MYO9B: variants seen among roughly 807,000 people sequenced by gnomAD.
The protein encoded by MYO9B is myosin IXB, also known as unconventional myosin-IXb.
A neutral mutation model predicts 229.5 loss-of-function variants in MYO9B; 71 were observed. The observed-to-expected ratio is 0.31, with a 90% confidence interval of 0.26 to 0.38. The LOEUF is 0.38. Ranked by LOEUF, MYO9B falls within the 10% of genes least tolerant of loss-of-function variation. The pLI, the probability that MYO9B is intolerant of heterozygous loss-of-function variation, is 1.00. For synonymous variants in MYO9B, 1,185 were observed against 1,235.8 expected (o/e 0.96, Z 0.86); for missense variants, 2,255 against 2,920.5 (o/e 0.77, Z 5.25).
Position 17,180,999 on chromosome 19 carries a change from C to T in MYO9B, c.2292C>T (p.Leu764=). 2 of 1,611,104 alleles carry T rather than the reference C, an allele frequency of 1.2e-6. No individual in the cohort carries two copies. Among genetic ancestry groups the T allele is most frequent in the Non-Finnish European group, 1.7e-6 (2 of 1,178,816 alleles). ...AGGGCGAGGACCCCCGTAGCCTTCT[C>T]CAGTCCCTCAGTCGGCTCCAGAAAC... ...PWQGEDPRSL[L]QSLSRLQKPR... Residue 764 remains leucine (L), a synonymous_variant, in exon 15 of 40, where the codon CTC becomes CTT. Coordinates refer to ENST00000682292, the MANE Select transcript of MYO9B (RefSeq NM_004145.4).
chr19:17,146,114 G>A (rs1043738871), intron 3 of MYO9B, among the ~76,000 whole-genome samples: 1 of 151,294 alleles, frequency 6.6e-6, no homozygotes, highest in Non-Finnish European at 1.5e-5. Context: ...TGGGTGAATG[G>A]ATTCATGAGT....
chr19:17,088,998 G>A (rs1313046746), intron 1 of MYO9B, among the ~76,000 whole-genome samples: 2 of 152,128 alleles, frequency 1.3e-5, no homozygotes, highest in African/African-American at 4.8e-5. Context: ...TTTCTGAAAT[G>A]CCCCAAAAGA....
intron 14 of MYO9B, among the ~76,000 whole-genome samples, chr19:17,179,454 T>G (rs1376593176): frequency 9.9e-5 from 13 of 131,054 alleles, no homozygotes; most frequent in Admixed American, 1.7e-4. Context: ...TTAGACAGAG[T>G]CTCACTCTGT....
At chr19:17,170,778 T>C (rs1385163146) in intron 11 of MYO9B, among the ~76,000 whole-genome samples, 3 of 148,220 alleles carry the variant, frequency 2.0e-5, no homozygotes. Flanking sequence ...GAGTTGTGAT[T>C]GTACCATTGC....
At chr19:17,084,728 A>G (rs917175481) in intron 1 of MYO9B, among the ~76,000 whole-genome samples, 1 of 151,818 alleles carries the variant, frequency 6.6e-6, no homozygotes, top group Admixed American at 6.6e-5. Context: ...AAAAAAAGAA[A>G]AAAAGAAAAA....
In MYO9B at chr19:17,212,116, G is replaced by T. The variant is rs2073237723; in HGVS notation, c.6280G>T (p.Val2094Leu). ...APGAREAAAP[V>L]RRREPPARRP... ...GGGTGCCCGGGAGGCGGCTGCCCCAGTGCGGCGCCGGGAGCCACCTGCCCG... is the reference window on the plus strand; with the variant it reads ...GGGTGCCCGGGAGGCGGCTGCCCCATTGCGGCGCCGGGAGCCACCTGCCCG... Residue 2094 changes from valine to leucine, a missense_variant, in exon 40 of 40, where the codon GTG becomes TTG. By Grantham distance (32) the Val-to-Leu change is conservative (BLOSUM62 1). Coordinates refer to ENST00000682292, the MANE Select transcript of MYO9B (RefSeq NM_004145.4). The surrounding 1 kb of genome is among the most constrained non-coding windows in gnomAD (Gnocchi z 5.4). 2 of 1,590,486 alleles carry T rather than the reference G, an allele frequency of 1.3e-6. No individual in the cohort carries two copies. Among genetic ancestry groups the T allele is most frequent in the South Asian group, 2.3e-5 (2 of 88,606 alleles).
At chr19:17,087,198 G>T (rs1318367904) in intron 1 of MYO9B, among the ~76,000 whole-genome samples, 1 of 152,212 alleles carries the variant, frequency 6.6e-6, no homozygotes, top group Non-Finnish European at 1.5e-5. Context: ...CCAGGGCCTG[G>T]AGGGGTGGGC....
In MYO9B at chr19:17,195,493, T is replaced by G; in HGVS notation, c.4046+20T>G. The G allele has an allele frequency of 6.4e-7, 1 of 1,571,490 alleles. No individual in the cohort carries two copies. Among genetic ancestry groups the G allele is most frequent in the Non-Finnish European group, 8.6e-7 (1 of 1,166,304 alleles). On this transcript the variant is annotated intron_variant, in intron 22 of 39. Transcript: ENST00000682292. The surrounding 1 kb of genome is among the most constrained non-coding windows in gnomAD (Gnocchi z 4.5). The stretch of plus-strand genomic sequence containing the variant: ...CACAGAGTAAGCCCCACACCCTCTT[T>G]TGTCTGAGCACCAGGGTCCAGGCCA...
chr19:17,183,817 A>C lies in MYO9B; in HGVS notation c.2334-12A>C, dbSNP rs776459731. On this transcript the variant is annotated splice_polypyrimidine_tract_variant and intron_variant, in intron 15 of 39. Transcript: ENST00000682292. The stretch of plus-strand genomic sequence containing the variant: ...CCTTTTGTTCACAAAACCATTTTTA[A>C]TATTTTGACAGGAAAAGTAAAGGTA... 6.4e-7 allele frequency: 1 copy of C among 1,556,582 alleles called. No homozygotes were observed. Among genetic ancestry groups the C allele is most frequent in the Non-Finnish European group, 8.7e-7 (1 of 1,154,168 alleles).
chr19:17,203,506 G>A (rs1359296608), intron 30 of MYO9B, among the ~76,000 whole-genome samples: 2 of 151,692 alleles, frequency 1.3e-5, no homozygotes, highest in Non-Finnish European at 2.9e-5. Context: ...CCAGCTACTC[G>A]GGAGGCTGAG....
intron 8 of MYO9B, among the ~76,000 whole-genome samples, chr19:17,161,508 G>A (rs555683573): frequency 9.2e-5 from 14 of 151,600 alleles, no homozygotes; most frequent in Admixed American, 6.6e-4. Flanking sequence ...GTGAGACCCC[G>A]TCTCCACAAT....
intron 8 of MYO9B, among the ~76,000 whole-genome samples, chr19:17,161,379 G>A (rs1351543815): frequency 1.3e-5 from 2 of 152,136 alleles, no homozygotes; most frequent in African/African-American, 4.8e-5. Flanking sequence ...TGAGTCGAGT[G>A]TTGACAGAGA....
In MYO9B at chr19:17,092,626, G is replaced by A. The variant is rs2057648433; in HGVS notation, c.-58-9034G>A. On this transcript the variant is annotated intron_variant, in intron 1 of 39. Coordinates refer to ENST00000682292, the MANE Select transcript of MYO9B (RefSeq NM_004145.4). ...CTATATCCCAGCTACATGGGAGGCT[G>A]AAGCACGAGAATCTCTTGAACCCAG... 2.0e-5 allele frequency among the ~76,000 whole-genome samples: 3 copies of A among 150,756 alleles called. No individual in the cohort carries two copies. The South Asian group carries it at 6.3e-4, about 32-fold the overall frequency.
intron 14 of MYO9B, among the ~76,000 whole-genome samples, chr19:17,176,396 C>T (rs1238526055): frequency 6.6e-6 from 1 of 152,020 alleles, no homozygotes; most frequent in Non-Finnish European, 1.5e-5. Flanking sequence ...GTCTTGAACT[C>T]CTGACCTTGG....
intron 34 of MYO9B, 24 bp downstream of exon 34, chr19:17,206,808 C>T: frequency 6.6e-7 from 1 of 1,523,264 alleles, no homozygotes. Context: ...CACCTGCCCT[C>T]TGTGGGGTTA....
Position 17,176,697 on chromosome 19 carries a change from G to A in MYO9B, c.2219+956G>A, listed in dbSNP as rs181545962. Reference sequence around the variant, plus strand: ...AGGTAGAGCCCAAGCATCGATGGTGGTGCGGAGAGACGGGCTTGATTGATT... The same window carrying A: ...AGGTAGAGCCCAAGCATCGATGGTGATGCGGAGAGACGGGCTTGATTGATT... On this transcript the variant is annotated intron_variant, in intron 14 of 39. Transcript: ENST00000682292. Among the ~76,000 whole-genome samples, 302 of 152,296 alleles carry A rather than the reference G, an allele frequency of 2.0e-3. 1 individual carries two copies. Among genetic ancestry groups the A allele is most frequent in the African/African-American group, 7.1e-3 (295 of 41,568 alleles).
At chr19:17,190,045 G>T (rs1335920527) in intron 19 of MYO9B, among the ~76,000 whole-genome samples, 1 of 140,564 alleles carries the variant, frequency 7.1e-6, no homozygotes, top group Admixed American at 7.3e-5. Context: ...AGCCTGGGCG[G>T]CAAAACAAGA....
At chr19:17,180,275 T>C (rs1048262695) in intron 14 of MYO9B, among the ~76,000 whole-genome samples, 12 of 148,250 alleles carry the variant, frequency 8.1e-5, no homozygotes, top group African/African-American at 3.0e-4. Flanking sequence ...GGCTCTTAAA[T>C]ATGAGAACTT....
At chr19:17,084,498 G>A (rs1261598604) in intron 1 of MYO9B, among the ~76,000 whole-genome samples, 3 of 151,930 alleles carry the variant, frequency 2.0e-5, no homozygotes, top group African/African-American at 4.8e-5. Flanking sequence ...TGAGCACCAC[G>A]GGGTGTGGAC....
Sources: gnomAD v4.1 joint callset for allele counts (sites outside exome capture counted in the v4.1 genomes callset) on GRCh38, gnomAD v4.1.1 for gene constraint, Gnocchi (gnomAD v3.1) non-coding constraint, MANE v1.5 for transcripts, NCBI Gene and HGNC (gene_info 2026-07-23, HGNC 2026-07-21) for gene names.